Variants in ABI2 observed in about 807,000 individuals in gnomAD.
The protein encoded by ABI2 is abelson interactor 2.
ABI2 carries 25 observed loss-of-function variants against 59.2 expected under a neutral mutation model. The ratio of observed to expected loss-of-function variants is 0.42; its 90% CI spans 0.31 to 0.59. The LOEUF (loss-of-function observed/expected upper bound fraction) is 0.59. Among genes scored for constraint, ABI2 ranks in the 20% least tolerant of loss-of-function variants. ABI2 has a pLI of 0.14. For synonymous variants in ABI2, 213 were observed against 235.5 expected, an observed-to-expected ratio of 0.90 and a Z score of 0.87; for missense variants, 545 against 681.8, an observed-to-expected ratio of 0.80 and a Z score of 2.23.
intron 1 of ABI2, among the ~76,000 whole-genome samples, chr2:203,345,977 T>A (rs1328480880): frequency 6.6e-6 from 1 of 151,746 alleles, no homozygotes; most frequent in Non-Finnish European, 1.5e-5. Flanking sequence ...ATCAGGAGTT[T>A]AAGACTAGCC....
At chr2:203,425,234 C>CT (rs1386752550) in intron 11 of ABI2, among the ~76,000 whole-genome samples, 1 of 151,478 alleles carries the variant, frequency 6.6e-6, no homozygotes, top group Non-Finnish European at 1.5e-5. Context: ...TTTTATTTTT[C>CT]TTTTTTGAGA....
At chr2:203,351,774 A>G (rs918445775) in intron 1 of ABI2, 5 of 281,320 alleles carry the variant, frequency 1.8e-5, no homozygotes, top group Non-Finnish European at 2.8e-5. Flanking sequence ...GGCCTCAAGC[A>G]GTCCTCCCAC....
intron 3 of ABI2, among the ~76,000 whole-genome samples, chr2:203,381,232 T>C (rs1178497961): frequency 6.6e-6 from 1 of 152,210 alleles, no homozygotes; most frequent in Non-Finnish European, 1.5e-5. Context: ...TAAAATCTCT[T>C]TGTCTTCAGG....
chr2:203,382,737 T>C (rs891981934), intron 4 of ABI2, among the ~76,000 whole-genome samples: 2 of 152,094 alleles, frequency 1.3e-5, no homozygotes, highest in East Asian at 1.9e-4. Flanking sequence ...GCAGAAAATA[T>C]TCAGTGACAC....
intron 1 of ABI2, among the ~76,000 whole-genome samples, chr2:203,338,192 A>G (rs1351965156): frequency 2.0e-5 from 3 of 152,260 alleles, no homozygotes; most frequent in Admixed American, 2.0e-4. Flanking sequence ...AGTAAATGGT[A>G]TTGGGAAAAC....
At chr2:203,409,000 G>A (rs900932400) in intron 9 of ABI2, among the ~76,000 whole-genome samples, 12 of 149,510 alleles carry the variant, frequency 8.0e-5, no homozygotes, top group African/African-American at 2.0e-4. Context: ...CACCGCGCCC[G>A]GCTAATTTTT....
intron 1 of ABI2, among the ~76,000 whole-genome samples, chr2:203,364,891 G>A (rs1053922565): frequency 2.0e-5 from 3 of 151,800 alleles, no homozygotes; most frequent in Non-Finnish European, 2.9e-5. Context: ...CCACCATCAT[G>A]CCTGGCTGAT....
At chr2:203,405,934 A>G (rs2097407038) in intron 9 of ABI2, among the ~76,000 whole-genome samples, 1 of 152,216 alleles carries the variant, frequency 6.6e-6, no homozygotes, top group Admixed American at 6.5e-5. Context: ...GTCTAGTGCC[A>G]AGTCTTAGGA....
intron 1 of ABI2, among the ~76,000 whole-genome samples, chr2:203,365,951 C>T (rs1035095187): frequency 9.2e-5 from 14 of 152,004 alleles, no homozygotes; most frequent in Non-Finnish European, 1.8e-4. Flanking sequence ...TTAATGCTTA[C>T]AGGACTTTAT....
At chr2:203,383,861 CTTCTCTTT>C (rs2096286525) in intron 4 of ABI2, among the ~76,000 whole-genome samples, 1 of 149,084 alleles carries the variant, frequency 6.7e-6, no homozygotes, top group Admixed American at 6.7e-5. Flanking sequence ...TTTCTTTCTA[CTTCTCTTT>C]TTCTCTTTCT....
At chr2:203,425,626 A>G (rs115014914) in intron 11 of ABI2, among the ~76,000 whole-genome samples, 1,887 of 152,302 alleles carry the variant, frequency 0.012, 19 homozygotes, top group Middle Eastern at 0.037. Context: ...GTATTTTCTT[A>G]TATTTAAACT....
intron 10 of ABI2, among the ~76,000 whole-genome samples, chr2:203,414,341 A>G (rs1290437283): frequency 6.6e-6 from 1 of 151,838 alleles, no homozygotes; most frequent in African/African-American, 2.4e-5. Flanking sequence ...AGCTCAAATG[A>G]TCCTCCTGCC....
intron 1 of ABI2, 67 bp from the exon 2 acceptor site, chr2:203,366,810 G>A: frequency 7.0e-7 from 1 of 1,428,654 alleles, no homozygotes; most frequent in South Asian, 1.6e-5. Context: ...TGAGTTTTTT[G>A]GTAGGTTAGT....
chr2:203,386,162 G>A (rs1466055087), intron 4 of ABI2, among the ~76,000 whole-genome samples: 2 of 152,124 alleles, frequency 1.3e-5, no homozygotes, highest in East Asian at 1.9e-4. Context: ...CTATAATGGG[G>A]AACAAAACTG....
At chr2:203,354,991 AGT>A (rs1186487173) in intron 1 of ABI2, among the ~76,000 whole-genome samples, 1 of 152,176 alleles carries the variant, frequency 6.6e-6, no homozygotes, top group Non-Finnish European at 1.5e-5. Flanking sequence ...AGAAGACATA[AGT>A]GTGTCCCCTT....
chr2:203,362,497 G>GT (rs981712084), intron 1 of ABI2, among the ~76,000 whole-genome samples: 11 of 151,938 alleles, frequency 7.2e-5, no homozygotes, highest in Middle Eastern at 3.4e-3. Context: ...ATTTTATTTT[G>GT]TTTTTTCTAC....
At chr2:203,409,370 T>C (rs369125262) in intron 9 of ABI2, among the ~76,000 whole-genome samples, 4 of 152,320 alleles carry the variant, frequency 2.6e-5, no homozygotes, top group African/African-American at 9.6e-5. Flanking sequence ...GATTATCTGC[T>C]TAACTCTTGT....
intron 2 of ABI2, chr2:203,375,971 A>C: frequency 9.3e-7 from 1 of 1,074,636 alleles, no homozygotes. Flanking sequence ...GTATGATGGC[A>C]AGAATGCAAA....
intron 1 of ABI2, among the ~76,000 whole-genome samples, chr2:203,349,754 A>G (rs1382762379): frequency 6.6e-6 from 1 of 150,918 alleles, no homozygotes; most frequent in African/African-American, 2.4e-5. Context: ...TAGTACATGG[A>G]TAATACCACA....
Sources: gnomAD v4.1 joint callset for allele counts (sites outside exome capture counted in the v4.1 genomes callset) on GRCh38, gnomAD v4.1.1 for gene constraint, MANE v1.5 for transcripts, NCBI Gene and HGNC (gene_info 2026-07-23, HGNC 2026-07-21) for gene names.